Variants in C10orf90 observed in about 807,000 individuals in gnomAD.
The protein encoded by C10orf90 is chromosome 10 open reading frame 90.
C10orf90 carries 56 observed loss-of-function variants against 62.5 expected under a neutral mutation model. The observed-to-expected ratio is 0.90, with a 90% CI of 0.72 to 1.12. C10orf90 has a LOEUF of 1.12. Among genes scored for constraint, C10orf90 ranks in the 50% most tolerant of loss-of-function variants. The pLI is 0.00. For missense variants in C10orf90, 970 were observed against 880.4 expected (o/e 1.10, Z -1.29); for synonymous variants, 386 against 340.4 (o/e 1.13, Z -1.47).
Position 126,491,342 on chromosome 10 carries a change from A to C in C10orf90, c.1534+12615T>G, listed in dbSNP as rs546147628. Among the ~76,000 whole-genome samples, 208 of 152,238 alleles carry C rather than the reference A, an allele frequency of 1.4e-3. 1 individual carries two copies. The highest frequency in any genetic ancestry group is 5.0e-3 in the African/African-American group (207 of 41,544). ...GGAAGATTGAATGCAAAAAGATTAA[A>C]CCTTTTTAAGGTGACAGAAATCATC... On this transcript the variant is annotated intron_variant, in intron 4 of 9. Transcript: ENST00000488181.
At position 126,440,816 on chromosome 10, in the gene C10orf90, G is replaced by A. The variant is rs564210579; in HGVS notation, c.2189-10966C>T. Among the ~76,000 whole-genome samples, 98 of 152,224 alleles carry A rather than the reference G, an allele frequency of 6.4e-4. No individual in the cohort carries two copies. In the Middle Eastern group the frequency reaches 0.01, roughly 16 times the overall value. ...ACAATCACTACAGCTCAGCGCTCAGGAAGCCACATTCATAGGAAAAGGGGG... is the reference window on the plus strand; with the variant it reads ...ACAATCACTACAGCTCAGCGCTCAGAAAGCCACATTCATAGGAAAAGGGGG... On this transcript the variant is annotated intron_variant, in intron 7 of 9. Transcript: ENST00000488181.
At chr10:126,573,346 T>C (rs1389134142) in intron 2 of C10orf90, among the ~76,000 whole-genome samples, 1 of 152,224 alleles carries the variant, frequency 6.6e-6, no homozygotes, top group Non-Finnish European at 1.5e-5. Context: ...CAGGGCTCGA[T>C]CTTTAACTGC....
At chr10:126,547,419 A>T (rs1426284147) in intron 2 of C10orf90, among the ~76,000 whole-genome samples, 1 of 151,310 alleles carries the variant, frequency 6.6e-6, no homozygotes, top group African/African-American at 2.4e-5. Flanking sequence ...ACTGTCAAAA[A>T]AAAAAAAAAT....
At chr10:126,468,657 T>A (rs1056072074) in intron 4 of C10orf90, among the ~76,000 whole-genome samples, 13 of 152,144 alleles carry the variant, frequency 8.5e-5, no homozygotes, top group Non-Finnish European at 1.9e-4. Flanking sequence ...ACTGCAGGCC[T>A]TAGGGATAAG....
chr10:126,553,228 C>T (rs1864679132), intron 2 of C10orf90, among the ~76,000 whole-genome samples: 1 of 151,992 alleles, frequency 6.6e-6, no homozygotes. Flanking sequence ...AAAAATCAAG[C>T]CATAAATGGA....
chr10:126,543,180 G>T (rs1416840989), intron 2 of C10orf90, among the ~76,000 whole-genome samples: 1 of 152,080 alleles, frequency 6.6e-6, no homozygotes, highest in Non-Finnish European at 1.5e-5. Context: ...TAAAGTGGCG[G>T]TAATAAAATG....
chr10:126,532,138 G>T (rs758070944), intron 2 of C10orf90, among the ~76,000 whole-genome samples: 15 of 152,150 alleles, frequency 9.9e-5, no homozygotes, highest in Non-Finnish European at 1.9e-4. Context: ...ACCTTTTCCA[G>T]ATATGCCTCC....
At chr10:126,458,124 C>A (rs1173892457) in intron 7 of C10orf90, among the ~76,000 whole-genome samples, 3 of 152,116 alleles carry the variant, frequency 2.0e-5, no homozygotes, top group African/African-American at 7.2e-5. Context: ...CACAGGAATT[C>A]TATTACAACA....
At chr10:126,552,324 C>G (rs1864653660) in intron 2 of C10orf90, among the ~76,000 whole-genome samples, 2 of 152,196 alleles carry the variant, frequency 1.3e-5, no homozygotes, top group South Asian at 4.1e-4. Flanking sequence ...CTTCAGGGTA[C>G]TGATTGTAGC....
intron 2 of C10orf90, among the ~76,000 whole-genome samples, chr10:126,542,048 C>G (rs573137094): frequency 5.3e-5 from 8 of 152,246 alleles, no homozygotes; most frequent in Admixed American, 2.6e-4. Context: ...ACATGCCACA[C>G]GAAAGAAGCC....
intron 4 of C10orf90, chr10:126,502,679 A>C (rs1862471555): frequency 2.6e-6 from 1 of 384,108 alleles, no homozygotes; most frequent in Non-Finnish European, 5.3e-6. Flanking sequence ...GATGTGCTTT[A>C]ACTGGGGTAA....
chr10:126,519,188 G>A (rs191783084), intron 2 of C10orf90, among the ~76,000 whole-genome samples: 10 of 152,276 alleles, frequency 6.6e-5, no homozygotes, highest in Admixed American at 4.6e-4. Flanking sequence ...GAGAGGGATG[G>A]TGGCATAGCC....
intron 2 of C10orf90, among the ~76,000 whole-genome samples, chr10:126,576,861 T>A (rs756869095): frequency 4.0e-5 from 6 of 150,164 alleles, no homozygotes; most frequent in Non-Finnish European, 8.9e-5. Flanking sequence ...CAGATGGAAC[T>A]GAAGGACATT....
At chr10:126,609,735 G>A (rs1484520676) in intron 2 of C10orf90, among the ~76,000 whole-genome samples, 1 of 152,222 alleles carries the variant, frequency 6.6e-6, no homozygotes, top group Admixed American at 6.5e-5. Flanking sequence ...CACAATAGGA[G>A]GCAAGGGAGC....
intron 2 of C10orf90, among the ~76,000 whole-genome samples, chr10:126,609,403 C>CA (rs1334953965): frequency 6.6e-6 from 1 of 152,000 alleles, no homozygotes; most frequent in African/African-American, 2.4e-5. Flanking sequence ...AACTCCATCT[C>CA]AAAAAACAAA....
intron 7 of C10orf90, among the ~76,000 whole-genome samples, chr10:126,442,507 A>ATATATATATATATATATATATATC: frequency 8.8e-6 from 1 of 113,146 alleles, no homozygotes; most frequent in Admixed American, 9.0e-5. Flanking sequence ...ATATATATAT[A>ATATATATATATATATATATATATC]TCTGTTAAGT....
At chr10:126,509,434 C>T (rs1333559856) in intron 3 of C10orf90, among the ~76,000 whole-genome samples, 1 of 152,166 alleles carries the variant, frequency 6.6e-6, no homozygotes, top group East Asian at 1.9e-4. Context: ...TACCATATTT[C>T]AGTGGAATTT....
chr10:126,524,085 G>T (rs774488332), intron 2 of C10orf90, among the ~76,000 whole-genome samples: 1 of 151,978 alleles, frequency 6.6e-6, no homozygotes, highest in Non-Finnish European at 1.5e-5. Flanking sequence ...ATTGTCTTTT[G>T]CCTTTCATGC....
intron 2 of C10orf90, among the ~76,000 whole-genome samples, chr10:126,587,333 C>G (rs1193084194): frequency 1.3e-5 from 2 of 152,188 alleles, no homozygotes; most frequent in Admixed American, 6.5e-5. Flanking sequence ...AAGTGGTTGC[C>G]TTTACCAAGA....
Sources: allele counts gnomAD v4.1 joint callset (sites outside exome capture counted in the v4.1 genomes callset), GRCh38; gene constraint gnomAD v4.1.1; transcripts MANE v1.5; gene names NCBI Gene and HGNC (gene_info 2026-07-23, HGNC 2026-07-21).